The following RLBP1 variants were observed in gnomAD, a reference collection of about 807,000 sequenced individuals.
The protein encoded by RLBP1 is retinaldehyde-binding protein 1.
Under a neutral mutation model 36.2 loss-of-function variants are expected in RLBP1, and 26 were observed. That is an observed-to-expected ratio of 0.72 (90% CI 0.53 to 1.00). The LOEUF is 1.00. Among genes scored for constraint, RLBP1 ranks in the 50% least tolerant of loss-of-function variants. RLBP1 has a pLI of 0.00. For synonymous variants in RLBP1, 155 were observed against 156.2 expected, an observed-to-expected ratio of 0.99 and a Z score of 0.06; for missense variants, 410 against 402.4, an observed-to-expected ratio of 1.02 and a Z score of -0.16.
rs2051523306 is a variant in RLBP1 at position 89,210,054 on chromosome 15, A to C, written c.*231T>G. On this transcript the variant is annotated 3_prime_UTR_variant, in exon 9 of 9. Coordinates refer to ENST00000268125, the MANE Select transcript of RLBP1 (RefSeq NM_000326.5). The surrounding 1 kb of genome is among the most constrained non-coding windows in gnomAD (Gnocchi z 4.7). The stretch of plus-strand genomic sequence containing the variant: ...CAAAAATCACTGTCTTAAAGCTTCA[A>C]GGGCAGGTGGAAATATAACTATCCC... 3.5e-6 allele frequency: 2 copies of C among 576,718 alleles called. No homozygotes were observed. Among genetic ancestry groups the C allele is most frequent in the South Asian group, 4.1e-5 (2 of 49,242 alleles). The allele number at this position is 576,718 out of a possible 1,614,324, so 35.7% of individuals were successfully genotyped here. A position where few individuals can be genotyped will look rare whatever the true frequency, so the allele number is the denominator to read the frequency against.
At chr15:89,213,729 A>G (rs938920891) in intron 6 of RLBP1, among the ~76,000 whole-genome samples, 34 of 152,348 alleles carry the variant, frequency 2.2e-4, no homozygotes, top group African/African-American at 7.9e-4. Flanking sequence ...AACAGAAGGC[A>G]TCTCACATTT....
At position 89,210,225 on chromosome 15, in the gene RLBP1, C is replaced by T. The variant is rs2051525024; in HGVS notation, c.*60G>A. 2 of 1,591,812 alleles carry T rather than the reference C, an allele frequency of 1.3e-6. No individual in the cohort carries two copies. Among genetic ancestry groups the T allele is most frequent in the East Asian group, 2.2e-5 (1 of 44,780 alleles). ...AGCAGCCCTTTCCTAGCCTTGGGTC[C>T]AGGACAGTTGAGGAGAGGCCCAGAG... is the stretch of plus-strand genomic sequence containing the variant. On this transcript the variant is annotated 3_prime_UTR_variant, in exon 9 of 9. Coordinates refer to ENST00000268125, the MANE Select transcript of RLBP1 (RefSeq NM_000326.5). This position sits in a 1 kb window ranked among gnomAD's most constrained non-coding sequence, Gnocchi z 4.7.
Position 89,211,261 on chromosome 15 carries a change from T to C in RLBP1, c.685-452A>G, listed in dbSNP as rs149090117. Among the ~76,000 whole-genome samples the C allele has an allele frequency of 1.3e-5, 2 of 152,094 alleles. No homozygotes were observed. Among genetic ancestry groups the C allele is most frequent in the Non-Finnish European group, 2.9e-5 (2 of 67,988 alleles). ...CCCAATACACAGAGCAGATCTAAGA[T>C]GGCTCTAAGAAAGGACTCCTGACAT... On this transcript the variant is annotated intron_variant, in intron 7 of 8. Transcript: ENST00000268125. This position sits in a 1 kb window ranked among gnomAD's most constrained non-coding sequence, Gnocchi z 5.8.
rs2051611308 is a variant in RLBP1 at position 89,219,722 on chromosome 15, G to C, written c.-101+15C>G. 1 of 152,848 alleles carries C rather than the reference G, an allele frequency of 6.5e-6. No individual in the cohort carries two copies. Among genetic ancestry groups the C allele is most frequent in the Non-Finnish European group, 1.5e-5 (1 of 68,538 alleles). 9.5% of individuals were successfully genotyped at this position (152,848 alleles called of 1,614,324 possible). ...GTAACACAGCCAAAAAATAGCCAGG[G>C]ATCAGTACTCAGACCCAAGTTGTGA... On this transcript the variant is annotated intron_variant, in intron 2 of 8. Coordinates refer to ENST00000268125, the MANE Select transcript of RLBP1 (RefSeq NM_000326.5).
chr15:89,217,267 G>A lies in RLBP1; in HGVS notation c.199C>T (p.Gln67Ter), dbSNP rs2051589773. The change falls in exon 5 of 9, where the codon CAG becomes TAG. Residue 67 changes from glutamine (Q) to a stop codon, truncating the protein, a stop_gained. Transcript: ENST00000268125. LOFTEE classifies it high-confidence loss of function. ...ETREEAVRELQEMVQAQAASG... is the reference protein window; with the variant it reads ...ETREEAVREL ...GCCGCCTGCGCCTGCACCATCTCCT[G>A]CAGCTCTCGCACTGCCTCCTCCCGG... 6.2e-7 allele frequency: 1 copy of A among 1,610,436 alleles called. No homozygotes were observed. Among genetic ancestry groups the A allele is most frequent in the Admixed American group, 1.7e-5 (1 of 60,028 alleles).
At position 89,214,043 on chromosome 15, in the gene RLBP1, G is replaced by GA. The variant is rs2051559130; in HGVS notation, c.525+1016dup. ...ATAAAGAGACCAATGGAACAGAATAGAAAGTCCAGAAATAGACCAAGCACA... is the reference window on the plus strand; with the variant it reads ...ATAAAGAGACCAATGGAACAGAATAGAAAAGTCCAGAAATAGACCAAGCACA... On this transcript the variant is annotated intron_variant, in intron 6 of 8. Transcript: ENST00000268125. The surrounding 1 kb of genome is among the most constrained non-coding windows in gnomAD (Gnocchi z 4.6). Among the ~76,000 whole-genome samples the GA allele has an allele frequency of 6.6e-6, 1 of 152,092 alleles. No individual in the cohort carries two copies. The highest frequency in any genetic ancestry group is 6.6e-5 in the Admixed American group (1 of 15,262).
chr15:89,219,184 G>A (rs755433495), intron 2 of RLBP1, 109 bp from the exon 3 acceptor site: 9 of 642,646 alleles, frequency 1.4e-5, no homozygotes, highest in Non-Finnish European at 2.2e-5. Flanking sequence ...AGGTGCCTGG[G>A]TCCCAACCTC....
In RLBP1 at chr15:89,220,530, C is replaced by T. The variant is rs12324148; in HGVS notation, c.-223-671G>A. On this transcript the variant is annotated intron_variant, in intron 1 of 8. Coordinates refer to ENST00000268125, the MANE Select transcript of RLBP1 (RefSeq NM_000326.5). ...GTATCGGAGGGTCCCCCATTTCCTG[C>T]TCTTTCCACTCCACACCCCCAGCAA... 4.5e-3 allele frequency among the ~76,000 whole-genome samples: 684 copies of T among 152,286 alleles called. 2 individuals carry two copies. The highest frequency in any genetic ancestry group is 0.016 in the African/African-American group (650 of 41,548).
chr15:89,210,949 A>G lies in RLBP1; in HGVS notation c.685-140T>C, dbSNP rs1214874434. On this transcript the variant is annotated intron_variant, in intron 7 of 8. Transcript: ENST00000268125. This position sits in a 1 kb window ranked among gnomAD's most constrained non-coding sequence, Gnocchi z 4.7. The stretch of plus-strand genomic sequence containing the variant: ...GCTGCCCTGGAGAAGGGCCCACTGA[A>G]GGTCCTATTTCCAGGCCAGCAACTA... 3.2e-6 allele frequency: 2 copies of G among 628,434 alleles called. No individual in the cohort carries two copies. Among genetic ancestry groups the G allele is most frequent in the East Asian group, 6.4e-5 (2 of 31,064 alleles). 38.9% of individuals were successfully genotyped at this position (628,434 alleles called of 1,614,324 possible).
chr15:89,217,413 A>C, intron 4 of RLBP1, 89 bp from the exon 5 acceptor site: 12 of 1,387,708 alleles, frequency 8.6e-6, no homozygotes, highest in Non-Finnish European at 2.0e-6. Flanking sequence ...CCAGAGCTAG[A>C]CCAGCCAAGG....
In RLBP1 at chr15:89,211,164, G is replaced by A. The variant is rs530886712; in HGVS notation, c.685-355C>T. Among the ~76,000 whole-genome samples the A allele has an allele frequency of 1.3e-5, 2 of 152,250 alleles. No individual in the cohort carries two copies. The highest frequency in any genetic ancestry group is 2.4e-5 in the African/African-American group (1 of 41,538). On this transcript the variant is annotated intron_variant, in intron 7 of 8. Transcript: ENST00000268125. This position sits in a 1 kb window ranked among gnomAD's most constrained non-coding sequence, Gnocchi z 5.8. ...GAAGGGACTGCAAACTATTACAAAC[G>A]ACAGGAACAGTATTATCATCCCTCA... is the stretch of plus-strand genomic sequence containing the variant.
intron 6 of RLBP1, among the ~76,000 whole-genome samples, chr15:89,212,467 C>T (rs564259526): frequency 6.6e-6 from 1 of 151,642 alleles, no homozygotes; most frequent in South Asian, 2.1e-4. Flanking sequence ...ACCTGTAATC[C>T]CAGCTACTTT....
Position 89,211,744 on chromosome 15 carries a change from T to C in RLBP1, c.683A>G (p.Gln228Arg), listed in dbSNP as rs779435933. 1.2e-6 allele frequency: 2 copies of C among 1,613,770 alleles called. No individual in the cohort carries two copies. Among genetic ancestry groups the C allele is most frequent in the Non-Finnish European group, 1.7e-6 (2 of 1,179,998 alleles). ...GTGCGACAGAACTCTAAGCCTCACC[T>C]GGAGCATGTCCACCATCTTCCTGAG... is the stretch of plus-strand genomic sequence containing the variant. ...SDLRKMVDML[Q>R]DSFPARFKAI... The change falls in exon 7 of 9, where the codon CAG becomes CGG. Residue 228 changes from glutamine (Q) to arginine (R), a missense_variant and splice_region_variant. Transcript: ENST00000268125. The surrounding 1 kb of genome is among the most constrained non-coding windows in gnomAD (Gnocchi z 5.8).
chr15:89,211,723 G>A lies in RLBP1; in HGVS notation c.684+20C>T, dbSNP rs950541. The A allele has an allele frequency of 0.36, 587,859 of 1,611,466 alleles. 110,965 individuals are homozygous for A. The highest frequency in any genetic ancestry group is 0.39 in the Non-Finnish European group (456,562 of 1,179,026). ...CCCCAGCTGTGGGAGGCTGCCGTGC[G>A]ACAGAACTCTAAGCCTCACCTGGAG... On this transcript the variant is annotated intron_variant, in intron 7 of 8. Transcript: ENST00000268125. The surrounding 1 kb of genome is among the most constrained non-coding windows in gnomAD (Gnocchi z 5.8).
rs937701458 is a variant in RLBP1, at chr15:89,211,396, A to C, written c.684+347T>G. Among the ~76,000 whole-genome samples, 5 of 152,174 alleles carry C rather than the reference A, an allele frequency of 3.3e-5. No individual in the cohort carries two copies. Among genetic ancestry groups the C allele is most frequent in the African/African-American group, 1.2e-4 (5 of 41,460 alleles). ...GACATATGTGGACAGACAACATGGG[A>C]TTCCAGGTCAGAAGATGCAGGTTCA... On this transcript the variant is annotated intron_variant, in intron 7 of 8. Transcript: ENST00000268125. The surrounding 1 kb of genome is among the most constrained non-coding windows in gnomAD (Gnocchi z 5.8).
In RLBP1 at chr15:89,210,845, C is replaced by G; in HGVS notation, c.685-36G>C. The G allele has an allele frequency of 7.1e-7, 1 of 1,415,676 alleles. No homozygotes were observed. The highest frequency in any genetic ancestry group is 1.2e-5 in the South Asian group (1 of 81,416). 87.7% of individuals were successfully genotyped at this position (1,415,676 alleles called of 1,614,324 possible). A position where few individuals can be genotyped will look rare whatever the true frequency, so the allele number is the denominator to read the frequency against. On this transcript the variant is annotated intron_variant, in intron 7 of 8. Coordinates refer to ENST00000268125, the MANE Select transcript of RLBP1 (RefSeq NM_000326.5). This position sits in a 1 kb window ranked among gnomAD's most constrained non-coding sequence, Gnocchi z 4.7. ...AGAGAGATACCCCGTTCCCCATGGC[C>G]CCAGTGACCTCAGAGGCTCCCACTC...
Position 89,219,047 on chromosome 15 carries a change from G to T in RLBP1, c.-72C>A. The T allele has an allele frequency of 6.3e-7, 1 of 1,596,570 alleles. No individual in the cohort carries two copies. The highest frequency in any genetic ancestry group is 8.6e-7 in the Non-Finnish European group (1 of 1,165,064). ...TTTCTCTGTCCTGGCCTCTCCAGCC[G>T]GCCCCTTCCCTAGGATAGGAAGTCA... is the stretch of plus-strand genomic sequence containing the variant. On this transcript the variant is annotated 5_prime_UTR_variant, in exon 3 of 9. Coordinates refer to ENST00000268125, the MANE Select transcript of RLBP1 (RefSeq NM_000326.5).
intron 6 of RLBP1, among the ~76,000 whole-genome samples, chr15:89,213,462 A>C (rs1243292795): frequency 3.3e-5 from 5 of 152,236 alleles, no homozygotes; most frequent in African/African-American, 1.2e-4. Context: ...AATAACCTTC[A>C]TTTATACAAA....
rs2051522216 is a variant in RLBP1 at position 89,209,911 on chromosome 15, TAGG to T, written c.*371_*373del. 1 of 307,510 alleles carries T rather than the reference TAGG, an allele frequency of 3.3e-6. No homozygotes were observed. The highest frequency in any genetic ancestry group is 6.2e-6 in the Non-Finnish European group (1 of 160,188). 19.0% of individuals were successfully genotyped at this position (307,510 alleles called of 1,614,324 possible). A position where few individuals can be genotyped will look rare whatever the true frequency, so the allele number is the denominator to read the frequency against. Reference sequence around the variant, plus strand: ...TCTTTTATTGCATTTTGGGGGCGAATAGGGGGATATTTTAACCCGGGCTCCTTG... The same window carrying T: ...TCTTTTATTGCATTTTGGGGGCGAATGGGATATTTTAACCCGGGCTCCTTG... On this transcript the variant is annotated 3_prime_UTR_variant, in exon 9 of 9. Transcript: ENST00000268125.
Sources: gnomAD v4.1 joint callset for allele counts (sites outside exome capture counted in the v4.1 genomes callset) on GRCh38, gnomAD v4.1.1 for gene constraint, Gnocchi (gnomAD v3.1) non-coding constraint, MANE v1.5 for transcripts, NCBI Gene and HGNC (gene_info 2026-07-23, HGNC 2026-07-21) for gene names.